The following HERC2 variants were observed in gnomAD, a reference collection of about 807,000 sequenced individuals.
HERC2 encodes HECT and RLD domain containing E3 ubiquitin protein ligase 2, also known as E3 ubiquitin-protein ligase HERC2.
HERC2 carries 102 observed loss-of-function variants against 537.7 expected under a neutral mutation model. The observed-to-expected ratio is 0.19, with a 90% confidence interval of 0.16 to 0.22. HERC2 has a LOEUF of 0.22. Among genes scored for constraint, HERC2 ranks in the 10% least tolerant of loss-of-function variants. The pLI, the probability that HERC2 is intolerant of heterozygous loss-of-function variation, is 1.00. For synonymous variants in HERC2, 2,224 were observed against 2,466.2 expected (o/e 0.90, Z 2.91); for missense variants, 4,236 against 6,198.2 (o/e 0.68, Z 10.63).
At chr15:28,187,387 A>C (rs1044497809) in intron 55 of HERC2, among the ~76,000 whole-genome samples, 1 of 151,342 alleles carries the variant, frequency 6.6e-6, no homozygotes, top group Admixed American at 6.6e-5. Context: ...GCTGGAGTGC[A>C]GTGGTGCAAT....
In HERC2 at chr15:28,198,363, C is replaced by T; in HGVS notation, c.8011+15G>A. ...AAAGTTAACATCAGGAATTTTATTACCCAGATAATATTACCTTTCACAACC... is the reference window on the plus strand; with the variant it reads ...AAAGTTAACATCAGGAATTTTATTATCCAGATAATATTACCTTTCACAACC... On this transcript the variant is annotated intron_variant, in intron 50 of 92. Coordinates refer to ENST00000261609, the MANE Select transcript of HERC2 (RefSeq NM_004667.6). The T allele has an allele frequency of 2.5e-6, 4 of 1,608,252 alleles. No homozygotes were observed. The highest frequency in any genetic ancestry group is 3.4e-6 in the Non-Finnish European group (4 of 1,178,588).
chr15:28,175,415 C>G, intron 64 of HERC2, 97 bp downstream of exon 64: 2 of 1,190,172 alleles, frequency 1.7e-6, no homozygotes, highest in Admixed American at 4.1e-5. Flanking sequence ...CTGATTTCAT[C>G]AACAGCTGTG....
At chr15:28,274,494 TC>T in intron 6 of HERC2, 47 bp from the exon 7 acceptor site, 1 of 1,542,598 alleles carries the variant, frequency 6.5e-7, no homozygotes, top group Non-Finnish European at 8.7e-7. Context: ...CCCCTCACTC[TC>T]CCGCTGGGCT....
At chr15:28,200,135 G>A (rs7171058) in intron 48 of HERC2, among the ~76,000 whole-genome samples, 11,689 of 152,170 alleles carry the variant, frequency 0.077, 1,548 homozygotes, top group African/African-American at 0.27. Flanking sequence ...GGTGGCTCAC[G>A]CCTATAATCC....
At chr15:28,142,100 T>A in intron 76 of HERC2, 138 bp downstream of exon 76, 1 of 917,372 alleles carries the variant, frequency 1.1e-6, no homozygotes, top group Non-Finnish European at 1.6e-6. Context: ...GTTCACTCAT[T>A]TTCACCTATG....
In HERC2 at chr15:28,208,269, C is replaced by T. The variant is rs146661344; in HGVS notation, c.7070-1887G>A. 2.7e-3 allele frequency among the ~76,000 whole-genome samples: 409 copies of T among 152,208 alleles called. 6 individuals carry two copies. Among genetic ancestry groups the T allele is most frequent in the African/African-American group, 9.3e-3 (388 of 41,534 alleles). ...ACTGGACTTGCATATTTTTTTCAAA[C>T]GCACCACTCACTATTCTCCCCTCAA... On this transcript the variant is annotated intron_variant, in intron 44 of 92. Coordinates refer to ENST00000261609, the MANE Select transcript of HERC2 (RefSeq NM_004667.6).
intron 69 of HERC2, among the ~76,000 whole-genome samples, chr15:28,153,945 A>G (rs2142356299): frequency 6.6e-6 from 1 of 152,232 alleles, no homozygotes; most frequent in African/African-American, 2.4e-5. Context: ...CTGTGACAGG[A>G]GGGACCGCCG....
At chr15:28,139,170 A>T (rs1440850378) in intron 78 of HERC2, among the ~76,000 whole-genome samples, 1 of 152,230 alleles carries the variant, frequency 6.6e-6, no homozygotes, top group African/African-American at 2.4e-5. Flanking sequence ...ATCTCCAAGC[A>T]TGCCTACAGC....
At chr15:28,203,900 G>T (rs2140354718) in intron 45 of HERC2, 1 of 152,094 alleles carries the variant, frequency 6.6e-6, no homozygotes, top group South Asian at 2.1e-4. Flanking sequence ...CAGCATCTGA[G>T]GCTCAAGCTC....
chr15:28,203,939 C>A (rs1346490296), intron 45 of HERC2: 1 of 151,958 alleles, frequency 6.6e-6, no homozygotes, highest in Non-Finnish European at 1.5e-5. Flanking sequence ...AGGAGAATGT[C>A]AAGGCTTCCA....
intron 5 of HERC2, among the ~76,000 whole-genome samples, chr15:28,278,097 TAAAA>T (rs149409263): frequency 7.3e-6 from 1 of 137,076 alleles, no homozygotes; most frequent in Non-Finnish European, 1.6e-5. Context: ...CTATACAAAT[TAAAA>T]AAAAAAAAAA....
intron 42 of HERC2, 47 bp downstream of exon 42, chr15:28,213,695 A>C: frequency 3.1e-6 from 5 of 1,612,560 alleles, no homozygotes; most frequent in Non-Finnish European, 4.2e-6. Context: ...TTCTAGTGTA[A>C]AGTCAATTTC....
At chr15:28,230,800 A>G (rs995395809) in intron 30 of HERC2, among the ~76,000 whole-genome samples, 45 of 152,054 alleles carry the variant, frequency 3.0e-4, no homozygotes, top group African/African-American at 1.1e-3. Context: ...AGTCTGTCGC[A>G]AATACTCAAC....
At position 28,177,548 on chromosome 15, in the gene HERC2, G is replaced by A; in HGVS notation, c.9164-39C>T. 1.3e-6 allele frequency: 2 copies of A among 1,590,942 alleles called. No homozygotes were observed. The highest frequency in any genetic ancestry group is 1.7e-6 in the Non-Finnish European group (2 of 1,159,060). ...AGACACACGGATTGCCAAAGGGCAG[G>A]GAACAGAAAGCCCACAGCATAGCTA... is the stretch of plus-strand genomic sequence containing the variant. On this transcript the variant is annotated intron_variant, in intron 59 of 92. Transcript: ENST00000261609. This position sits in a 1 kb window ranked among gnomAD's most constrained non-coding sequence, Gnocchi z 5.0.
intron 55 of HERC2, among the ~76,000 whole-genome samples, chr15:28,187,879 C>A (rs2140240370): frequency 6.6e-6 from 1 of 152,320 alleles, no homozygotes; most frequent in Middle Eastern, 3.4e-3. Context: ...TGGCCGACTG[C>A]ATGCCTGCTG....
At chr15:28,230,539 C>T in intron 30 of HERC2, 39 bp from the exon 31 acceptor site, 1 of 1,058,902 alleles carries the variant, frequency 9.4e-7, no homozygotes, top group Non-Finnish European at 1.4e-6. Context: ...AAATCATACA[C>T]TTAAATATTA....
chr15:28,294,565 G>A (rs796895968), intron 3 of HERC2, among the ~76,000 whole-genome samples: 2 of 149,890 alleles, frequency 1.3e-5, no homozygotes, highest in African/African-American at 2.5e-5. Context: ...CTGCTCTCAC[G>A]GATAAGATCC....
At chr15:28,136,323 A>ACG (rs1890632151) in intron 78 of HERC2, among the ~76,000 whole-genome samples, 2 of 151,828 alleles carry the variant, frequency 1.3e-5, no homozygotes, top group Non-Finnish European at 2.9e-5. Flanking sequence ...GTGCTGCTGC[A>ACG]CTGACATAAT....
chr15:28,215,878 T>A, intron 38 of HERC2, 76 bp from the exon 39 acceptor site: 3 of 977,722 alleles, frequency 3.1e-6, no homozygotes, highest in Non-Finnish European at 4.6e-6. Context: ...CTTATTTTTT[T>A]ATCAACTTAT....
Sources: allele counts gnomAD v4.1 joint callset (sites outside exome capture counted in the v4.1 genomes callset), GRCh38; gene constraint gnomAD v4.1.1; non-coding constraint Gnocchi (gnomAD v3.1); transcripts MANE v1.5; gene names NCBI Gene and HGNC (gene_info 2026-07-23, HGNC 2026-07-21).